Variants in PRKCA observed in about 807,000 individuals in gnomAD.
PRKCA encodes the protein protein kinase C alpha type.
PRKCA carries 27 observed loss-of-function variants against 87.0 expected under a neutral mutation model. That is an observed-to-expected ratio of 0.31 (90% CI 0.23 to 0.43). PRKCA has a LOEUF of 0.43. PRKCA is among the 20% of genes least tolerant of loss of function. The probability of loss-of-function intolerance (pLI) is 1.00; values close to 1 mark genes in which losing one functional copy is unlikely to be tolerated. For missense variants in PRKCA, 518 were observed against 852.3 expected (o/e 0.61, Z 4.88); for synonymous variants, 329 against 311.1 (o/e 1.06, Z -0.61).
intron 3 of PRKCA, among the ~76,000 whole-genome samples, chr17:66,539,210 C>T (rs1967893713): frequency 1.3e-5 from 2 of 152,134 alleles, no homozygotes; most frequent in South Asian, 4.1e-4. Flanking sequence ...TTTTTAAAAA[C>T]TCCTTTGCAC....
At chr17:66,434,621 G>T (rs1421058650) in intron 2 of PRKCA, among the ~76,000 whole-genome samples, 1 of 146,454 alleles carries the variant, frequency 6.8e-6, no homozygotes, top group Non-Finnish European at 1.5e-5. Flanking sequence ...CACAGAGCCA[G>T]ATGTGTAGCT....
At chr17:66,532,175 A>G (rs921530282) in intron 3 of PRKCA, among the ~76,000 whole-genome samples, 2 of 150,738 alleles carry the variant, frequency 1.3e-5, no homozygotes, top group African/African-American at 2.4e-5. Flanking sequence ...AAAAAGAACA[A>G]CCTTGAGTCC....
At chr17:66,620,481 G>T (rs1043618067) in intron 3 of PRKCA, among the ~76,000 whole-genome samples, 1 of 152,174 alleles carries the variant, frequency 6.6e-6, no homozygotes, top group Non-Finnish European at 1.5e-5. Context: ...GATCTGACTG[G>T]CCAGAGCTAT....
chr17:66,787,884 G>A lies in PRKCA; in HGVS notation c.1713+910G>A, dbSNP rs575153204. The stretch of plus-strand genomic sequence containing the variant: ...GCTGTGTGGGGCCATAGTTCCTCCT[G>A]TCATATTGCTGTGCAGTGTTCCACT... On this transcript the variant is annotated intron_variant, in intron 15 of 16. Coordinates refer to ENST00000413366, the MANE Select transcript of PRKCA (RefSeq NM_002737.3). Among the ~76,000 whole-genome samples, 6 of 151,786 alleles carry A rather than the reference G, an allele frequency of 4.0e-5. 1 individual carries two copies. In the South Asian group the frequency reaches 1.0e-3, roughly 26 times the overall value.
intron 9 of PRKCA, among the ~76,000 whole-genome samples, chr17:66,734,056 C>A (rs1973966065): frequency 6.6e-6 from 1 of 152,190 alleles, no homozygotes; most frequent in South Asian, 2.1e-4. Flanking sequence ...TATCTTGTAG[C>A]TGTAGGGATT....
chr17:66,351,148 T>G (rs1014815358), intron 2 of PRKCA, among the ~76,000 whole-genome samples: 11 of 151,714 alleles, frequency 7.3e-5, no homozygotes, highest in Non-Finnish European at 1.6e-4. Flanking sequence ...TAGTGGGGAG[T>G]GGGTATGCAG....
At chr17:66,701,104 AC>A (rs1406262634) in intron 8 of PRKCA, among the ~76,000 whole-genome samples, 1 of 152,172 alleles carries the variant, frequency 6.6e-6, no homozygotes, top group East Asian at 1.9e-4. Flanking sequence ...TGACATACAA[AC>A]CAGTAGAACA....
chr17:66,508,874 A>T (rs1488944773), intron 3 of PRKCA, among the ~76,000 whole-genome samples: 2 of 152,164 alleles, frequency 1.3e-5, no homozygotes, highest in East Asian at 3.9e-4. Context: ...TAATGTGATT[A>T]TGCACTCTCT....
At chr17:66,408,517 A>G (rs1311684175) in intron 2 of PRKCA, among the ~76,000 whole-genome samples, 2 of 152,232 alleles carry the variant, frequency 1.3e-5, no homozygotes, top group Non-Finnish European at 2.9e-5. Flanking sequence ...AGCACCGTGT[A>G]TATGTTTGCG....
intron 5 of PRKCA, among the ~76,000 whole-genome samples, chr17:66,648,581 C>G (rs750124887): frequency 3.3e-5 from 5 of 152,070 alleles, no homozygotes; most frequent in Non-Finnish European, 7.4e-5. Flanking sequence ...TTTTAAAGTA[C>G]AGTTATGTGT....
chr17:66,765,416 GTCTATATA>G (rs1414914436), intron 13 of PRKCA, among the ~76,000 whole-genome samples: 3 of 16,032 alleles, frequency 1.9e-4, no homozygotes, highest in African/African-American at 6.6e-4. Flanking sequence ...GCAAGACTTT[GTCTATATA>G]TATATATATA....
chr17:66,490,424 A>G (rs1037766806), intron 2 of PRKCA, among the ~76,000 whole-genome samples: 3 of 150,792 alleles, frequency 2.0e-5, no homozygotes, highest in Admixed American at 6.6e-5. Context: ...GCTCACTGCA[A>G]CCTCCGCCTC....
At chr17:66,538,993 G>A (rs1414307004) in intron 3 of PRKCA, among the ~76,000 whole-genome samples, 3 of 152,194 alleles carry the variant, frequency 2.0e-5, no homozygotes, top group African/African-American at 7.2e-5. Context: ...ACTTTTATCA[G>A]CAGTCTGTAC....
intron 2 of PRKCA, among the ~76,000 whole-genome samples, chr17:66,429,010 G>A (rs1347022024): frequency 6.6e-6 from 1 of 152,196 alleles, no homozygotes; most frequent in Non-Finnish European, 1.5e-5. Flanking sequence ...TTTAAATGTA[G>A]TTGGAAGATC....
rs2144441177 is a variant in PRKCA, at chr17:66,803,178, G to C, written c.1855-695G>C. On this transcript the variant is annotated intron_variant, in intron 16 of 16. Transcript: ENST00000413366. The surrounding 1 kb of genome is among the most constrained non-coding windows in gnomAD (Gnocchi z 4.4). Reference sequence around the variant, plus strand: ...GCAGGCCTCTCCCTGCCTCCCCAGGGCGCCATGCAAACATCCTCCAGCCTG... The same window carrying C: ...GCAGGCCTCTCCCTGCCTCCCCAGGCCGCCATGCAAACATCCTCCAGCCTG... Among the ~76,000 whole-genome samples, 1 of 152,248 alleles carries C rather than the reference G, an allele frequency of 6.6e-6. No homozygotes were observed. Among genetic ancestry groups the C allele is most frequent in the East Asian group, 1.9e-4 (1 of 5,174 alleles).
intron 3 of PRKCA, among the ~76,000 whole-genome samples, chr17:66,620,400 A>G (rs1305380759): frequency 6.6e-6 from 1 of 152,166 alleles, no homozygotes; most frequent in Non-Finnish European, 1.5e-5. Context: ...AGGGGAAGCA[A>G]TAAGTGGGAG....
At chr17:66,796,591 C>T (rs964883373) in intron 16 of PRKCA, 119 of 985,148 alleles carry the variant, frequency 1.2e-4, no homozygotes, top group Admixed American at 2.5e-4. Flanking sequence ...TGGTCATGCA[C>T]GTAGCCCGTT....
chr17:66,538,918 C>T (rs1389507018), intron 3 of PRKCA, among the ~76,000 whole-genome samples: 1 of 152,218 alleles, frequency 6.6e-6, no homozygotes, highest in African/African-American at 2.4e-5. Flanking sequence ...CACATGCTGT[C>T]TCCTGAGCCC....
intron 2 of PRKCA, among the ~76,000 whole-genome samples, chr17:66,491,433 C>T (rs1200945971): frequency 6.6e-6 from 1 of 152,226 alleles, no homozygotes; most frequent in African/African-American, 2.4e-5. Flanking sequence ...TGGAATCTTC[C>T]ATGACACGTC....
Sources: gnomAD v4.1 joint callset for allele counts (sites outside exome capture counted in the v4.1 genomes callset) on GRCh38, gnomAD v4.1.1 for gene constraint, Gnocchi (gnomAD v3.1) non-coding constraint, MANE v1.5 for transcripts, NCBI Gene and HGNC (gene_info 2026-07-23, HGNC 2026-07-21) for gene names.